The following HLCS variants were observed in gnomAD, a reference collection of about 807,000 sequenced individuals.
The protein encoded by HLCS is holocarboxylase synthetase, also known as biotin--protein ligase.
Under a neutral mutation model 75.0 loss-of-function variants are expected in HLCS, and 53 were observed. The ratio of observed to expected loss-of-function variants is 0.71; its 90% CI spans 0.57 to 0.89. The LOEUF (loss-of-function observed/expected upper bound fraction) is 0.89. Ranked by LOEUF, HLCS falls within the 40% of genes least tolerant of loss-of-function variation. HLCS has a pLI of 0.00. For missense variants in HLCS, 966 were observed against 1,074.0 expected, an observed-to-expected ratio of 0.90 and a Z score of 1.41; for synonymous variants, 431 against 428.6, an observed-to-expected ratio of 1.01 and a Z score of -0.07.
intron 6 of HLCS, among the ~76,000 whole-genome samples, chr21:36,777,028 A>G (rs888002153): frequency 1.1e-4 from 17 of 152,166 alleles, no homozygotes; most frequent in African/African-American, 4.1e-4. Flanking sequence ...TTTCCTTATC[A>G]TTCACATCTT....
chr21:36,937,305 G>A lies in HLCS; in HGVS notation c.581C>T (p.Pro194Leu), dbSNP rs565756796. 1.2e-6 allele frequency: 2 copies of A among 1,614,094 alleles called. No individual in the cohort carries two copies. Among genetic ancestry groups the A allele is most frequent in the Admixed American group, 3.3e-5 (2 of 60,022 alleles). The part of the protein sequence containing the change: ...QAQILEPKPE[P>L]SLEIKPEQDG... ...CTGCTCAGGCTTAATCTCAAGAGAA[G>A]GTTCAGGCTTCGGCTCTAGGATCTG... Residue 194 changes from proline (P) to leucine (L), a missense_variant, in exon 4 of 11, where the codon CCT becomes CTT. Transcript: ENST00000674895.
chr21:36,781,401 A>C (rs1011310094), intron 6 of HLCS, among the ~76,000 whole-genome samples: 3 of 152,158 alleles, frequency 2.0e-5, no homozygotes, highest in Non-Finnish European at 2.9e-5. Context: ...TTGTTCAAAT[A>C]TACTTTTGTG....
At chr21:36,900,576 T>G (rs115828601) in intron 5 of HLCS, among the ~76,000 whole-genome samples, 3,812 of 152,022 alleles carry the variant, frequency 0.025, 173 homozygotes, top group African/African-American at 0.086. Context: ...CTGGGGAAGG[T>G]CGTGGGATGT....
chr21:36,917,597 G>A (rs775936362), intron 5 of HLCS, among the ~76,000 whole-genome samples: 9 of 152,170 alleles, frequency 5.9e-5, no homozygotes, highest in Non-Finnish European at 8.8e-5. Flanking sequence ...GGCTGTAAGG[G>A]CTACAGCCGT....
intron 9 of HLCS, chr21:36,759,266 C>A: frequency 2.1e-6 from 1 of 466,318 alleles, no homozygotes; most frequent in Non-Finnish European, 4.4e-6. Context: ...TAAGGTGAAA[C>A]AGGGATTCTT....
At chr21:36,979,466 GGCACCCAGGATTGAGT>G (rs1022830047) in intron 1 of HLCS, among the ~76,000 whole-genome samples, 2 of 152,240 alleles carry the variant, frequency 1.3e-5, no homozygotes, top group Admixed American at 6.5e-5. Flanking sequence ...TTTCTATAGA[GGCACCCAGGATTGAGT>G]CTCCTATAGG....
At chr21:36,955,485 T>A (rs2067890701) in intron 2 of HLCS, among the ~76,000 whole-genome samples, 1 of 151,966 alleles carries the variant, frequency 6.6e-6, no homozygotes, top group Non-Finnish European at 1.5e-5. Flanking sequence ...ACAAAATTTT[T>A]TTTTAAATAT....
chr21:36,754,452 G>A, intron 10 of HLCS, 35 bp from the exon 11 acceptor site: 2 of 1,599,772 alleles, frequency 1.3e-6, no homozygotes, highest in Non-Finnish European at 1.7e-6. Flanking sequence ...TCACTGGGAG[G>A]TGTCACAGGA....
At chr21:36,796,677 G>A (rs2061035187) in intron 6 of HLCS, among the ~76,000 whole-genome samples, 1 of 152,114 alleles carries the variant, frequency 6.6e-6, no homozygotes, top group Admixed American at 6.5e-5. Context: ...TAACAAAGAA[G>A]GAAGAAAAAC....
At chr21:36,838,616 A>G (rs2062503671) in intron 6 of HLCS, among the ~76,000 whole-genome samples, 1 of 151,976 alleles carries the variant, frequency 6.6e-6, no homozygotes, top group Non-Finnish European at 1.5e-5. Context: ...AGGCAGGAGA[A>G]TGACGTGAAC....
intron 6 of HLCS, among the ~76,000 whole-genome samples, chr21:36,773,520 G>A (rs900487451): frequency 1.3e-5 from 2 of 152,386 alleles, no homozygotes; most frequent in Middle Eastern, 3.4e-3. Context: ...TGGGGTGGGT[G>A]TGAGGCGACC....
chr21:36,911,873 C>T (rs1304327527), intron 5 of HLCS, among the ~76,000 whole-genome samples: 1 of 151,540 alleles, frequency 6.6e-6, no homozygotes, highest in Non-Finnish European at 1.5e-5. Context: ...AAGTTTGAGA[C>T]CAGCCTGACC....
intron 2 of HLCS, among the ~76,000 whole-genome samples, chr21:36,955,660 C>T (rs1280185359): frequency 2.6e-5 from 4 of 151,988 alleles, no homozygotes; most frequent in Non-Finnish European, 5.9e-5. Flanking sequence ...AATTTATTAT[C>T]GAAGAAGAAG....
At chr21:36,865,263 G>A (rs1424115124) in intron 6 of HLCS, among the ~76,000 whole-genome samples, 1 of 151,994 alleles carries the variant, frequency 6.6e-6, no homozygotes, top group Non-Finnish European at 1.5e-5. Context: ...GCCCCAGAAT[G>A]CGCGCCAGTT....
rs1453530282 is a variant in HLCS at position 36,885,416 on chromosome 21, G to A, written c.1892+11444C>T. Among the ~76,000 whole-genome samples the A allele has an allele frequency of 2.6e-5, 4 of 151,916 alleles. No individual in the cohort carries two copies. In the South Asian group the frequency reaches 8.3e-4, roughly 32 times the overall value. Reference sequence around the variant, plus strand: ...CCAGCTACTCGGGACGCTGAGGTGGGAGGATCACTTGGGCCCAGGAAGTTG... The same window carrying A: ...CCAGCTACTCGGGACGCTGAGGTGGAAGGATCACTTGGGCCCAGGAAGTTG... On this transcript the variant is annotated intron_variant, in intron 6 of 10. Transcript: ENST00000674895.
Position 36,938,969 on chromosome 21 carries a change from A to G in HLCS, c.356T>C (p.Leu119Ser). The G allele has an allele frequency of 6.2e-7, 1 of 1,610,410 alleles. No homozygotes were observed. The highest frequency in any genetic ancestry group is 8.5e-7 in the Non-Finnish European group (1 of 1,179,852). Reference protein sequence around the residue: ...ETIVKWSDCCLPLACRPGDPY... With the variant: ...ETIVKWSDCCSPLACRPGDPY... ...ATCCCCAGGTCTGCAAGCTAATGGCAAACAACAGTCTGACCACTTGACAAT... is the reference window on the plus strand; with the variant it reads ...ATCCCCAGGTCTGCAAGCTAATGGCGAACAACAGTCTGACCACTTGACAAT... The change falls in exon 3 of 11, where the codon TTG becomes TCG. Residue 119 changes from leucine (L) to serine (S), a missense_variant. Coordinates refer to ENST00000674895, the MANE Select transcript of HLCS (RefSeq NM_001352514.2).
chr21:36,855,778 G>A (rs1341375735), intron 6 of HLCS, among the ~76,000 whole-genome samples: 32 of 151,896 alleles, frequency 2.1e-4, no homozygotes, highest in Admixed American at 2.1e-3. Flanking sequence ...GGGTTTTTCT[G>A]TGTTTCCCAG....
intron 6 of HLCS, among the ~76,000 whole-genome samples, chr21:36,778,221 T>G (rs559029737): frequency 2.4e-4 from 37 of 152,206 alleles, no homozygotes; most frequent in East Asian, 1.4e-3. Flanking sequence ...CGCCCACCTC[T>G]GCCTCCCAAA....
rs58201045 is a variant in HLCS at position 36,756,429 on chromosome 21, C to T, written c.2450+113G>A. 8.9e-3 allele frequency: 6,224 copies of T among 695,702 alleles called. 360 individuals carry two copies. In the African/African-American group the frequency reaches 0.13, roughly 15 times the overall value. 43.1% of individuals were successfully genotyped at this position (695,702 alleles called of 1,614,324 possible). On this transcript the variant is annotated intron_variant, in intron 10 of 10. Transcript: ENST00000674895. ...TCGTGCCACTGCACTCCAGCCTGGG[C>T]GACAGAGTGAGACTCCGTCTCAAAA...
Sources: gnomAD v4.1 joint callset for allele counts (sites outside exome capture counted in the v4.1 genomes callset) on GRCh38, gnomAD v4.1.1 for gene constraint, MANE v1.5 for transcripts, NCBI Gene and HGNC (gene_info 2026-07-23, HGNC 2026-07-21) for gene names.